The following YLPM1 variants were observed in gnomAD, a reference collection of about 807,000 sequenced individuals.
The protein encoded by YLPM1 is YLP motif containing 1.
YLPM1 carries 99 observed loss-of-function variants against 230.0 expected under a neutral mutation model. That is an observed-to-expected ratio of 0.43 (90% CI 0.37 to 0.51). The LOEUF (loss-of-function observed/expected upper bound fraction) is 0.51, where lower values mean the gene tolerates loss of function less well. Ranked by LOEUF, YLPM1 falls within the 20% of genes least tolerant of loss-of-function variation. The pLI, the probability that YLPM1 is intolerant of heterozygous loss-of-function variation, is 0.00. For missense variants in YLPM1, 2,592 were observed against 2,707.7 expected, an observed-to-expected ratio of 0.96 and a Z score of 0.95; for synonymous variants, 984 against 942.5, an observed-to-expected ratio of 1.04 and a Z score of -0.81.
chr14:74,805,284 G>A (rs757995835), intron 6 of YLPM1, among the ~76,000 whole-genome samples: 1 of 152,068 alleles, frequency 6.6e-6, no homozygotes, highest in African/African-American at 2.4e-5. Flanking sequence ...GCCTCCGAAA[G>A]TGCTGGGATT....
intron 1 of YLPM1, among the ~76,000 whole-genome samples, chr14:74,776,797 T>A (rs1458811415): frequency 1.3e-5 from 2 of 152,162 alleles, no homozygotes; most frequent in African/African-American, 4.8e-5. Context: ...GTGTGGTGGC[T>A]CATGCCTGTA....
chr14:74,783,463 C>T (rs2091115611), intron 4 of YLPM1, among the ~76,000 whole-genome samples: 1 of 152,114 alleles, frequency 6.6e-6, no homozygotes, highest in Non-Finnish European at 1.5e-5. Flanking sequence ...AAAATTCAAA[C>T]ATTACAGAAA....
chr14:74,810,045 C>A, intron 8 of YLPM1, 43 bp downstream of exon 8: 1 of 1,524,702 alleles, frequency 6.6e-7, no homozygotes, highest in South Asian at 1.2e-5. Flanking sequence ...CATTTTAGGG[C>A]CTAATTATCA....
At chr14:74,764,550 A>G (rs1395037014) in intron 1 of YLPM1, among the ~76,000 whole-genome samples, 188 bp downstream of exon 1, 1 of 152,212 alleles carries the variant, frequency 6.6e-6, no homozygotes, top group Non-Finnish European at 1.5e-5. Context: ...TTACCAAAAA[A>G]ACAGCGTTTG....
chr14:74,786,065 A>G (rs1480260291), intron 4 of YLPM1, among the ~76,000 whole-genome samples: 1 of 152,168 alleles, frequency 6.6e-6, no homozygotes, highest in Non-Finnish European at 1.5e-5. Context: ...TTTTCACAAA[A>G]TAAAGACACA....
intron 18 of YLPM1, 43 bp downstream of exon 18, chr14:74,824,350 G>C (rs374673466): frequency 6.3e-7 from 1 of 1,583,832 alleles, no homozygotes; most frequent in African/African-American, 1.3e-5. Context: ...GATACCTGAT[G>C]GTAATGGTCA....
chr14:74,802,392 A>G lies in YLPM1; in HGVS notation c.4401-164A>G, dbSNP rs558392806. ...AATGACTGATGAGTTAGCTACATAA[A>G]AGCAAAAGAGGGTAATCCTGGAGCT... On this transcript the variant is annotated intron_variant, in intron 5 of 20. Coordinates refer to ENST00000325680, the MANE Select transcript of YLPM1 (RefSeq NM_019589.3). Among the ~76,000 whole-genome samples the G allele has an allele frequency of 2.0e-5, 3 of 152,302 alleles. No individual in the cohort carries two copies. The South Asian group carries it at 6.2e-4, about 32-fold the overall frequency.
At position 74,790,218 on chromosome 14, in the gene YLPM1, A is replaced by G. The variant is rs965689579; in HGVS notation, c.2283-7362A>G. On this transcript the variant is annotated intron_variant, in intron 4 of 20. Coordinates refer to ENST00000325680, the MANE Select transcript of YLPM1 (RefSeq NM_019589.3). ...ACTTTTTCCATTCTATAGCTATCTTACTAGGATTAGTAAGGGACTGTGAGT... is the reference window on the plus strand; with the variant it reads ...ACTTTTTCCATTCTATAGCTATCTTGCTAGGATTAGTAAGGGACTGTGAGT... 3.3e-5 allele frequency among the ~76,000 whole-genome samples: 5 copies of G among 152,282 alleles called. No homozygotes were observed. The East Asian group carries it at 9.7e-4, about 29-fold the overall frequency.
chr14:74,767,797 A>G (rs892782316), intron 1 of YLPM1, among the ~76,000 whole-genome samples: 5 of 150,370 alleles, frequency 3.3e-5, no homozygotes, highest in African/African-American at 1.2e-4. Context: ...GTCACATTTG[A>G]CTTGTTCCTA....
At chr14:74,816,079 G>A (rs1405380284) in intron 11 of YLPM1, 124 bp from the exon 12 acceptor site, 4 of 753,210 alleles carry the variant, frequency 5.3e-6, no homozygotes, top group Admixed American at 2.9e-5. Flanking sequence ...AATTTATGAA[G>A]GTTTGTTTCA....
At chr14:74,811,391 G>A (rs1347947175) in intron 9 of YLPM1, among the ~76,000 whole-genome samples, 1 of 151,958 alleles carries the variant, frequency 6.6e-6, no homozygotes, top group African/African-American at 2.4e-5. Context: ...GCTGAGATGG[G>A]AGGATTGCTT....
At chr14:74,770,998 T>C (rs2090972047) in intron 1 of YLPM1, among the ~76,000 whole-genome samples, 1 of 152,184 alleles carries the variant, frequency 6.6e-6, no homozygotes, top group East Asian at 1.9e-4. Flanking sequence ...GCTGCTAGAA[T>C]TCACTTTGAG....
At chr14:74,795,151 C>T (rs1052542246) in intron 4 of YLPM1, among the ~76,000 whole-genome samples, 1 of 152,184 alleles carries the variant, frequency 6.6e-6, no homozygotes, top group African/African-American at 2.4e-5. Flanking sequence ...CTGTATTGTG[C>T]AATAGTCACT....
intron 6 of YLPM1, among the ~76,000 whole-genome samples, chr14:74,805,236 G>T (rs2091365532): frequency 6.6e-6 from 1 of 152,004 alleles, no homozygotes; most frequent in Non-Finnish European, 1.5e-5. Flanking sequence ...GGCCAGGCTG[G>T]TCTTGAACTC....
chr14:74,768,402 AT>A (rs1421848994), intron 1 of YLPM1, among the ~76,000 whole-genome samples: 3 of 152,050 alleles, frequency 2.0e-5, no homozygotes, highest in African/African-American at 7.2e-5. Flanking sequence ...GCATGCTACC[AT>A]GCCTGGCTAG....
At position 74,768,586 on chromosome 14, in the gene YLPM1, T is replaced by C. The variant is rs2090938037; in HGVS notation, c.873+4224T>C. 2.0e-5 allele frequency among the ~76,000 whole-genome samples: 3 copies of C among 152,184 alleles called. No individual in the cohort carries two copies. The South Asian group carries it at 6.2e-4, about 32-fold the overall frequency. On this transcript the variant is annotated intron_variant, in intron 1 of 20. Coordinates refer to ENST00000325680, the MANE Select transcript of YLPM1 (RefSeq NM_019589.3). ...TGAATAATTAATTTTTCTATGTGTT[T>C]AAAGGACTGATTTATTTAGTTAAAG...
At chr14:74,812,849 A>G in intron 11 of YLPM1, 67 bp downstream of exon 11, 1 of 1,506,188 alleles carries the variant, frequency 6.6e-7, no homozygotes, top group Non-Finnish European at 8.9e-7. Flanking sequence ...TAATATCCTG[A>G]AAAGAATTTC....
intron 16 of YLPM1, among the ~76,000 whole-genome samples, chr14:74,820,852 G>A (rs1340670711): frequency 6.6e-6 from 1 of 152,088 alleles, no homozygotes; most frequent in Non-Finnish European, 1.5e-5. Context: ...TTGTACAGAT[G>A]GATATTCAAG....
intron 18 of YLPM1, among the ~76,000 whole-genome samples, chr14:74,828,455 C>G (rs2091583483): frequency 6.6e-6 from 1 of 152,148 alleles, no homozygotes; most frequent in African/African-American, 2.4e-5. Flanking sequence ...CTTTAAGACA[C>G]CTAAACTCAT....
Sources: allele counts gnomAD v4.1 joint callset (sites outside exome capture counted in the v4.1 genomes callset), GRCh38; gene constraint gnomAD v4.1.1; transcripts MANE v1.5; gene names NCBI Gene and HGNC (gene_info 2026-07-23, HGNC 2026-07-21).